KMT2C: variants seen among roughly 807,000 people sequenced by gnomAD.
KMT2C encodes the protein histone-lysine N-methyltransferase 2C.
Under a neutral mutation model 507.9 loss-of-function variants are expected in KMT2C, and 88 were observed. The ratio of observed to expected loss-of-function variants is 0.17; its 90% CI spans 0.15 to 0.21. The LOEUF is 0.21. Ranked by LOEUF, KMT2C falls within the 10% of genes least tolerant of loss-of-function variation. The pLI, the probability that KMT2C is intolerant of heterozygous loss-of-function variation, is 1.00. For synonymous variants in KMT2C, 2,049 were observed against 2,080.8 expected, an observed-to-expected ratio of 0.98 and a Z score of 0.42; for missense variants, 4,954 against 5,957.8, an observed-to-expected ratio of 0.83 and a Z score of 5.55.
In KMT2C at chr7:152,181,797, C is replaced by T. The variant is rs1051663562; in HGVS notation, c.6063G>A (p.Arg2021=). Residue 2021 remains arginine, a synonymous_variant, in exon 36 of 59, where the codon AGG becomes AGA. Transcript: ENST00000262189. ...SPRADVFQRQ[R]IPDSYARPLL... ...AGGGTCGTGCATATGAGTCAGGTAT[C>T]CTTTGTCTTTGAAACACATCTGCCC... 6.2e-7 allele frequency: 1 copy of T among 1,613,912 alleles called. No individual in the cohort carries two copies. The highest frequency in any genetic ancestry group is 8.5e-7 in the Non-Finnish European group (1 of 1,180,008).
At chr7:152,197,012 G>A (rs1283142016) in intron 27 of KMT2C, among the ~76,000 whole-genome samples, 1 of 152,178 alleles carries the variant, frequency 6.6e-6, no homozygotes, top group Non-Finnish European at 1.5e-5. Context: ...AAGTTGCTGG[G>A]AGGCTGAAAG....
At position 152,310,068 on chromosome 7, in the gene KMT2C, A is replaced by G. The variant is rs1340971475; in HGVS notation, c.747T>C (p.Cys249=). The change falls in exon 6 of 59, where the codon TGT becomes TGC. Residue 249 remains cysteine, a synonymous_variant. Coordinates refer to ENST00000262189, the MANE Select transcript of KMT2C (RefSeq NM_170606.3). Reference sequence around the variant, plus strand: ...ACTCCACACAACGGTGATGAGCCCAACAAGTGCCTAAAATGGGAAAAATGA... The same window carrying G: ...ACTCCACACAACGGTGATGAGCCCAGCAAGTGCCTAAAATGGGAAAAATGA... The part of the protein sequence containing the change: ...IQALFDSTGT[C]WAHHRCVEWS... 5.0e-6 allele frequency: 8 copies of G among 1,606,778 alleles called. No individual in the cohort carries two copies. The highest frequency in any genetic ancestry group is 2.2e-5 in the East Asian group (1 of 44,856).
intron 6 of KMT2C, among the ~76,000 whole-genome samples, chr7:152,286,164 T>G (rs2096293450): frequency 6.6e-6 from 1 of 152,424 alleles, no homozygotes; most frequent in South Asian, 2.1e-4. Flanking sequence ...AGACCCTCAG[T>G]AATCTACAAA....
intron 1 of KMT2C, among the ~76,000 whole-genome samples, chr7:152,384,014 G>A (rs539094515): frequency 6.6e-6 from 1 of 151,718 alleles, no homozygotes; most frequent in East Asian, 1.9e-4. Flanking sequence ...TAAGACTCTA[G>A]AAGGAGATCC....
intron 3 of KMT2C, among the ~76,000 whole-genome samples, chr7:152,325,507 C>T (rs1378829919): frequency 6.6e-6 from 1 of 151,660 alleles, no homozygotes; most frequent in Non-Finnish European, 1.5e-5. Context: ...GTCACCCAGG[C>T]TGGAGTGCAG....
At chr7:152,363,298 TCTTCA>T (rs1331181628) in intron 1 of KMT2C, among the ~76,000 whole-genome samples, 1 of 152,228 alleles carries the variant, frequency 6.6e-6, no homozygotes, top group Admixed American at 6.5e-5. Context: ...ATTTCAGTGT[TCTTCA>T]CTTCACTTTA....
At chr7:152,240,123 A>G (rs1017874639) in intron 14 of KMT2C, among the ~76,000 whole-genome samples, 9 of 152,256 alleles carry the variant, frequency 5.9e-5, no homozygotes, top group African/African-American at 2.2e-4. Flanking sequence ...GTTCTTTCTT[A>G]CCCATCAAAT....
chr7:152,181,508 G>C lies in KMT2C; in HGVS notation c.6352C>G (p.Gln2118Glu). 1 of 1,614,054 alleles carries C rather than the reference G, an allele frequency of 6.2e-7. No individual in the cohort carries two copies. Among genetic ancestry groups the C allele is most frequent in the East Asian group, 2.2e-5 (1 of 44,870 alleles). ...GTTGGCCTTGATATGGTTCCAGGCTGGGAAAAAGCCCTTGAAGGATGGGCA... is the reference window on the plus strand; with the variant it reads ...GTTGGCCTTGATATGGTTCCAGGCTCGGAAAAAGCCCTTGAAGGATGGGCA... ...SFAHPSRAFS[Q>E]PGTISRPTSQ... is the part of the protein sequence containing the mutation. Residue 2118 changes from glutamine (Q) to glutamate (E), a missense_variant, in exon 36 of 59, where the codon CAG becomes GAG. Physicochemically the swap from Gln to Glu is conservative, Grantham distance 29. Around this residue, in one of 29 missense-constraint regions of KMT2C, gnomAD observed 1,689 missense variants for 1,654.3 expected, o/e 1.02. Coordinates refer to ENST00000262189, the MANE Select transcript of KMT2C (RefSeq NM_170606.3).
chr7:152,250,764 C>A, intron 12 of KMT2C, 89 bp downstream of exon 12: 1 of 726,548 alleles, frequency 1.4e-6, no homozygotes, highest in Non-Finnish European at 2.4e-6. Flanking sequence ...TGCATCTTGG[C>A]TTTTACTGAA....
At chr7:152,178,103 A>G (rs2093293544) in intron 37 of KMT2C, 93 bp from the exon 38 acceptor site, 2 of 1,251,286 alleles carry the variant, frequency 1.6e-6, no homozygotes, top group Non-Finnish European at 2.1e-6. Flanking sequence ...CTTCAATTAA[A>G]CTGTACATAC....
chr7:152,394,809 G>C (rs1384147856), intron 1 of KMT2C, among the ~76,000 whole-genome samples: 1 of 152,108 alleles, frequency 6.6e-6, no homozygotes, highest in African/African-American at 2.4e-5. Context: ...TTATTTAAGT[G>C]AATTAATTTA....
intron 46 of KMT2C, chr7:152,154,764 C>T (rs927171727): frequency 2.3e-5 from 5 of 213,320 alleles, no homozygotes; most frequent in East Asian, 1.1e-4. Flanking sequence ...AATCCCAGAT[C>T]GTTGAGCCTA....
In KMT2C at chr7:152,138,885, C is replaced by T. The variant is rs2129089269; in HGVS notation, c.14554G>A (p.Ala4852Thr). 6.2e-7 allele frequency: 1 copy of T among 1,613,604 alleles called. No individual in the cohort carries two copies. Among genetic ancestry groups the T allele is most frequent in the East Asian group, 2.2e-5 (1 of 44,882 alleles). The change falls in exon 58 of 59, where the codon GCA (alanine) becomes ACA (threonine). Residue 4852 changes from alanine (A) to threonine (T), a missense_variant. Ala to Thr is a moderately conservative substitution (Grantham distance 58). This residue lies in a region of KMT2C where 133 missense variants were observed against 258.9 expected (regional missense o/e 0.51). Transcript: ENST00000262189. This position sits in a 1 kb window ranked among gnomAD's most constrained non-coding sequence, Gnocchi z 4.2. ...ACCACTTCAGCCACACAATTAGGTG[C>T]ACACGAATGGTTGATATACCTGCAA... is the stretch of plus-strand genomic sequence containing the variant. The part of the protein sequence containing the change: ...GPARYINHSC[A>T]PNCVAEVVTF...
In KMT2C at chr7:152,181,106, G is replaced by T; in HGVS notation, c.6754C>A (p.Gln2252Lys). The change falls in exon 36 of 59, where the codon CAA becomes AAA. Residue 2252 changes from glutamine (Q) to lysine (K), a missense_variant. Around this residue, in one of 29 missense-constraint regions of KMT2C, gnomAD observed 1,689 missense variants for 1,654.3 expected, o/e 1.02. Transcript: ENST00000262189. ...GCTGGTCCTCGGTTTTGTGCTGCTT[G>T]CAGGAAAGGATCCTGATTTGGCATG... ...VLMPNQDPFLQAAQNRGPALP... is the reference protein window; with the variant it reads ...VLMPNQDPFLKAAQNRGPALP... 1 of 1,614,158 alleles carries T rather than the reference G, an allele frequency of 6.2e-7. No individual in the cohort carries two copies. The highest frequency in any genetic ancestry group is 2.2e-5 in the East Asian group (1 of 44,870).
intron 2 of KMT2C, among the ~76,000 whole-genome samples, chr7:152,341,164 T>C (rs34782657): frequency 0.02 from 3,090 of 152,314 alleles, 70 homozygotes; most frequent in South Asian, 0.09. Flanking sequence ...TTGGACCCTC[T>C]AGACCAGCCC....
intron 1 of KMT2C, among the ~76,000 whole-genome samples, chr7:152,395,709 T>C (rs2097534331): frequency 6.6e-6 from 1 of 152,274 alleles, no homozygotes; most frequent in South Asian, 2.1e-4. Context: ...GGTTTCACCA[T>C]GTTGGCCAGG....
chr7:152,219,333 T>C (rs915707391), intron 23 of KMT2C, among the ~76,000 whole-genome samples: 1 of 152,048 alleles, frequency 6.6e-6, no homozygotes, highest in Admixed American at 6.6e-5. Context: ...AATTAACTGA[T>C]TTTTTTTAAG....
chr7:152,392,726 T>C (rs375832571), intron 1 of KMT2C, among the ~76,000 whole-genome samples: 9 of 152,346 alleles, frequency 5.9e-5, no homozygotes, highest in Admixed American at 3.9e-4. Flanking sequence ...AATTAAGTAA[T>C]GGAGTTAAGG....
intron 6 of KMT2C, among the ~76,000 whole-genome samples, chr7:152,307,005 A>T (rs1703421085): frequency 6.6e-6 from 1 of 152,150 alleles, no homozygotes; most frequent in South Asian, 2.1e-4. Flanking sequence ...CAAAAAATTT[A>T]AAAACTAGTT....
Sources: allele counts gnomAD v4.1 joint callset (sites outside exome capture counted in the v4.1 genomes callset), GRCh38; gene constraint gnomAD v4.1.1; regional missense constraint gnomAD v4.1.1; non-coding constraint Gnocchi (gnomAD v3.1); transcripts MANE v1.5; gene names NCBI Gene and HGNC (gene_info 2026-07-23, HGNC 2026-07-21).